Variants in FEM1B observed in about 807,000 individuals in gnomAD.
FEM1B encodes protein fem-1 homolog B.
A neutral mutation model predicts 38.6 loss-of-function variants in FEM1B; 10 were observed. The ratio of observed to expected loss-of-function variants is 0.26; its 90% CI spans 0.16 to 0.44. The LOEUF (loss-of-function observed/expected upper bound fraction) is 0.44. Among genes scored for constraint, FEM1B ranks in the 20% least tolerant of loss-of-function variants. The probability of loss-of-function intolerance (pLI) is 1.00; values close to 1 mark genes in which losing one functional copy is unlikely to be tolerated. For missense variants in FEM1B, 471 were observed against 786.7 expected, an observed-to-expected ratio of 0.60 and a Z score of 4.80; for synonymous variants, 288 against 288.0, an observed-to-expected ratio of 1.00 and a Z score of 0.00.
chr15:68,291,272 G>C lies in FEM1B; in HGVS notation c.*30G>C. On this transcript the variant is annotated 3_prime_UTR_variant, in exon 2 of 2. Transcript: ENST00000306917. This position sits in a 1 kb window ranked among gnomAD's most constrained non-coding sequence, Gnocchi z 6.9. ...CTGGATATGTAAAGTCGTTTAATGT[G>C]GTGCTAAAAAGTAAAGGACTTTTAA... The C allele has an allele frequency of 6.6e-7, 1 of 1,505,600 alleles. No individual in the cohort carries two copies. The highest frequency in any genetic ancestry group is 8.9e-7 in the Non-Finnish European group (1 of 1,118,516). The allele number at this position is 1,505,600 out of a possible 1,614,324, so 93.3% of individuals were successfully genotyped here. A position where few individuals can be genotyped will look rare whatever the true frequency, so the allele number is the denominator to read the frequency against.
In FEM1B at chr15:68,278,020, G is replaced by A. The variant is rs1365842767; in HGVS notation, c.-398G>A. ...AGACGCGCCCATCTTTCGCCATCCG[G>A]GGTGCGCGAGGTCCTCTCGGGACCC... On this transcript the variant is annotated 5_prime_UTR_variant, in exon 1 of 2. Transcript: ENST00000306917. The surrounding 1 kb of genome is among the most constrained non-coding windows in gnomAD (Gnocchi z 5.7). 4.9e-6 allele frequency: 1 copy of A among 204,248 alleles called. No individual in the cohort carries two copies. Among genetic ancestry groups the A allele is most frequent in the African/African-American group, 2.4e-5 (1 of 42,060 alleles). The allele number at this position is 204,248 out of a possible 1,614,324, so 12.7% of individuals were successfully genotyped here.
rs929554758 is a variant in FEM1B, at chr15:68,281,182, G to A, written c.248+2517G>A. ...TAGAAAGCTGACTTGACCCTTGGGG[G>A]CTGACCTTTGAAAAACACATAGCCA... On this transcript the variant is annotated intron_variant, in intron 1 of 1. Coordinates refer to ENST00000306917, the MANE Select transcript of FEM1B (RefSeq NM_015322.5). This position sits in a 1 kb window ranked among gnomAD's most constrained non-coding sequence, Gnocchi z 5.1. 3.3e-5 allele frequency among the ~76,000 whole-genome samples: 5 copies of A among 152,212 alleles called. No individual in the cohort carries two copies. The highest frequency in any genetic ancestry group is 6.5e-5 in the Admixed American group (1 of 15,286).
intron 1 of FEM1B, among the ~76,000 whole-genome samples, chr15:68,287,491 A>G (rs1442902085): frequency 1.3e-5 from 2 of 152,180 alleles, no homozygotes; most frequent in Non-Finnish European, 2.9e-5. Flanking sequence ...ATTTTGTGTC[A>G]TTATTTGAAA....
chr15:68,278,810 C>G lies in FEM1B; in HGVS notation c.248+145C>G. The G allele has an allele frequency of 1.1e-6, 1 of 894,216 alleles. No individual in the cohort carries two copies. Among genetic ancestry groups the G allele is most frequent in the East Asian group, 2.6e-5 (1 of 37,822 alleles). The allele number at this position is 894,216 out of a possible 1,614,324, so 55.4% of individuals were successfully genotyped here. A position where few individuals can be genotyped will look rare whatever the true frequency, so the allele number is the denominator to read the frequency against. ...GTACCACCTCCTGCCCCACTAATGC[C>G]CACTTCATCTTCCAGGGCTAATAAT... On this transcript the variant is annotated intron_variant, in intron 1 of 1. Coordinates refer to ENST00000306917, the MANE Select transcript of FEM1B (RefSeq NM_015322.5). This position sits in a 1 kb window ranked among gnomAD's most constrained non-coding sequence, Gnocchi z 5.7.
rs113968932 is a variant in FEM1B, at chr15:68,284,620, C to G, written c.249-4987C>G. Among the ~76,000 whole-genome samples, 6 of 152,116 alleles carry G rather than the reference C, an allele frequency of 3.9e-5. No homozygotes were observed. The highest frequency in any genetic ancestry group is 1.2e-4 in the African/African-American group (5 of 41,414). On this transcript the variant is annotated intron_variant, in intron 1 of 1. Coordinates refer to ENST00000306917, the MANE Select transcript of FEM1B (RefSeq NM_015322.5). This position sits in a 1 kb window ranked among gnomAD's most constrained non-coding sequence, Gnocchi z 4.4. The stretch of plus-strand genomic sequence containing the variant: ...ACATCCATCTAGTCACTCTCTAGAT[C>G]AATGTGTAGAACACTTTATCACTCT...
In FEM1B at chr15:68,278,665, G is replaced by A; in HGVS notation, c.248G>A (p.Gly83Glu). 1 of 1,613,772 alleles carries A rather than the reference G, an allele frequency of 6.2e-7. No individual in the cohort carries two copies. The part of the protein sequence containing the change: ...TQQTGTVRFD[G>E]YVIDGATALW... ...CAGACTGGCACCGTCCGCTTCGACG[G>A]GTAGGTACATCCCAAGCCAGCCTCT... Residue 83 changes from glycine (G) to glutamate (E), a missense_variant and splice_region_variant, in exon 1 of 2, where the codon GGG (glycine) becomes GAG (glutamate). By Grantham distance (98) the Gly-to-Glu change is moderately conservative. This residue lies in a region of FEM1B where 91 missense variants were observed against 169.6 expected (regional missense o/e 0.54). Transcript: ENST00000306917. This position sits in a 1 kb window ranked among gnomAD's most constrained non-coding sequence, Gnocchi z 5.7.
At position 68,277,790 on chromosome 15, in the gene FEM1B, C is replaced by T. The variant is rs1892671956; in HGVS notation, c.-628C>T. On this transcript the variant is annotated 5_prime_UTR_variant, in exon 1 of 2. Coordinates refer to ENST00000306917, the MANE Select transcript of FEM1B (RefSeq NM_015322.5). ...GCGAAAGCTCGTCTTCCTCCCCGCC[C>T]AAGTTCCGGCGCCGCTCTTGCGGGA... The T allele has an allele frequency of 6.6e-6, 1 of 152,356 alleles. No homozygotes were observed. Among genetic ancestry groups the T allele is most frequent in the South Asian group, 2.1e-4 (1 of 4,852 alleles). 9.4% of individuals were successfully genotyped at this position (152,356 alleles called of 1,614,324 possible).
rs1005582803 is a variant in FEM1B, at chr15:68,285,793, G to A, written c.249-3814G>A. 6.6e-5 allele frequency among the ~76,000 whole-genome samples: 10 copies of A among 150,734 alleles called. No homozygotes were observed. In the East Asian group the frequency reaches 9.7e-4, roughly 15 times the overall value. On this transcript the variant is annotated intron_variant, in intron 1 of 1. Coordinates refer to ENST00000306917, the MANE Select transcript of FEM1B (RefSeq NM_015322.5). ...AAACAGTCCTCTTCTTAGCCCCCCC[G>A]CAGTGCTGGGATTACAGGTGTGAGC...
At chr15:68,286,626 T>TTTAGA (rs549049151) in intron 1 of FEM1B, among the ~76,000 whole-genome samples, 239 of 152,320 alleles carry the variant, frequency 1.6e-3, no homozygotes, top group African/African-American at 5.4e-3. Context: ...TTCCCATTTA[T>TTTAGA]TTAGATTTAC....
Position 68,291,845 on chromosome 15 carries a change from A to G in FEM1B, c.*603A>G, listed in dbSNP as rs1892850883. 1 of 152,264 alleles carries G rather than the reference A, an allele frequency of 6.6e-6. No homozygotes were observed. 9.4% of individuals were successfully genotyped at this position (152,264 alleles called of 1,614,324 possible). A position where few individuals can be genotyped will look rare whatever the true frequency, so the allele number is the denominator to read the frequency against. ...CTAATTTAATAATAGTTACAAATTT[A>G]TAAATTTAAATCCATTTGAAATTGT... On this transcript the variant is annotated 3_prime_UTR_variant, in exon 2 of 2. Coordinates refer to ENST00000306917, the MANE Select transcript of FEM1B (RefSeq NM_015322.5). This position sits in a 1 kb window ranked among gnomAD's most constrained non-coding sequence, Gnocchi z 6.9.
chr15:68,287,826 G>A (rs1398063064), intron 1 of FEM1B, among the ~76,000 whole-genome samples: 4 of 145,688 alleles, frequency 2.7e-5, no homozygotes, highest in African/African-American at 7.5e-5. Flanking sequence ...CGTTGCTAAC[G>A]TCTCTTTTTT....
Position 68,284,542 on chromosome 15 carries a change from T to G in FEM1B, c.249-5065T>G, listed in dbSNP as rs59705963. Among the ~76,000 whole-genome samples the G allele has an allele frequency of 0.014, 2,147 of 152,324 alleles. 44 individuals are homozygous for G. Among genetic ancestry groups the G allele is most frequent in the African/African-American group, 0.049 (2,054 of 41,570 alleles). ...TTTAGTGGAGGTATATCATATCTAGTAAAGTACATGAATCTTGTGTACAAT... is the reference window on the plus strand; with the variant it reads ...TTTAGTGGAGGTATATCATATCTAGGAAAGTACATGAATCTTGTGTACAAT... On this transcript the variant is annotated intron_variant, in intron 1 of 1. Coordinates refer to ENST00000306917, the MANE Select transcript of FEM1B (RefSeq NM_015322.5). The surrounding 1 kb of genome is among the most constrained non-coding windows in gnomAD (Gnocchi z 4.4).
rs552456623 is a variant in FEM1B at position 68,278,172 on chromosome 15, C to T, written c.-246C>T. 6.5e-6 allele frequency: 3 copies of T among 459,220 alleles called. No homozygotes were observed. Among genetic ancestry groups the T allele is most frequent in the Non-Finnish European group, 1.1e-5 (3 of 261,214 alleles). The allele number at this position is 459,220 out of a possible 1,614,324, so 28.4% of individuals were successfully genotyped here. On this transcript the variant is annotated 5_prime_UTR_variant, in exon 1 of 2. Coordinates refer to ENST00000306917, the MANE Select transcript of FEM1B (RefSeq NM_015322.5). The surrounding 1 kb of genome is among the most constrained non-coding windows in gnomAD (Gnocchi z 5.7). ...TCCAGGGCCGGCGCCTGGGACCTGGCGGGCGGCCCTGACCGCCTTCCTCCC... is the reference window on the plus strand; with the variant it reads ...TCCAGGGCCGGCGCCTGGGACCTGGTGGGCGGCCCTGACCGCCTTCCTCCC...
Position 68,278,477 on chromosome 15 carries a change from G to T in FEM1B, c.60G>T (p.Leu20=), listed in dbSNP as rs1567112016. Reference sequence around the variant, plus strand: ...CCAGCGAGGGCAAGGTGCTGACTCTGGCCGCCTTGCTTCTCAACCGGTCTG... The same window carrying T: ...CCAGCGAGGGCAAGGTGCTGACTCTTGCCGCCTTGCTTCTCAACCGGTCTG... ...KAASEGKVLT[L]AALLLNRSES... is the part of the protein sequence containing the mutation. The change falls in exon 1 of 2, where the codon CTG becomes CTT. Residue 20 remains leucine (L), a synonymous_variant. Transcript: ENST00000306917. The surrounding 1 kb of genome is among the most constrained non-coding windows in gnomAD (Gnocchi z 5.7). 4 of 1,613,816 alleles carry T rather than the reference G, an allele frequency of 2.5e-6. No homozygotes were observed. The highest frequency in any genetic ancestry group is 2.5e-6 in the Non-Finnish European group (3 of 1,180,028).
In FEM1B at chr15:68,294,273, G is replaced by A. The variant is rs1181453514; in HGVS notation, c.*3031G>A. The A allele has an allele frequency of 1.3e-5, 2 of 152,100 alleles. No individual in the cohort carries two copies. Among genetic ancestry groups the A allele is most frequent in the African/African-American group, 4.8e-5 (2 of 41,384 alleles). 9.4% of individuals were successfully genotyped at this position (152,100 alleles called of 1,614,324 possible). ...CAGCCCAATCACGTTAAGGTTCTTT[G>A]CTGTGGGAATTTTAAATAAACCAAA... On this transcript the variant is annotated 3_prime_UTR_variant, in exon 2 of 2. Coordinates refer to ENST00000306917, the MANE Select transcript of FEM1B (RefSeq NM_015322.5). This position sits in a 1 kb window ranked among gnomAD's most constrained non-coding sequence, Gnocchi z 4.4.
In FEM1B at chr15:68,280,506, G is replaced by A. The variant is rs1892714109; in HGVS notation, c.248+1841G>A. Among the ~76,000 whole-genome samples the A allele has an allele frequency of 6.6e-6, 1 of 152,186 alleles. No individual in the cohort carries two copies. The highest frequency in any genetic ancestry group is 2.1e-4 in the South Asian group (1 of 4,826). On this transcript the variant is annotated intron_variant, in intron 1 of 1. Transcript: ENST00000306917. This position sits in a 1 kb window ranked among gnomAD's most constrained non-coding sequence, Gnocchi z 4.2. ...GACTACTGAGAGAAAACAGGGAAAGGAAGTGCTGTTTTATCCGGGGGGAAT... is the reference window on the plus strand; with the variant it reads ...GACTACTGAGAGAAAACAGGGAAAGAAAGTGCTGTTTTATCCGGGGGGAAT...
At position 68,288,820 on chromosome 15, in the gene FEM1B, C is replaced by T. The variant is rs192563532; in HGVS notation, c.249-787C>T. ...TTAAAACTTTTAAATTGGAGCATAA[C>T]GTAACTTAGAGAAAAATGCACTAAT... On this transcript the variant is annotated intron_variant, in intron 1 of 1. Coordinates refer to ENST00000306917, the MANE Select transcript of FEM1B (RefSeq NM_015322.5). The surrounding 1 kb of genome is among the most constrained non-coding windows in gnomAD (Gnocchi z 4.6). Among the ~76,000 whole-genome samples, 210 of 152,174 alleles carry T rather than the reference C, an allele frequency of 1.4e-3. No individual in the cohort carries two copies. Among genetic ancestry groups the T allele is most frequent in the African/African-American group, 4.8e-3 (199 of 41,502 alleles).
chr15:68,286,811 CAA>C (rs747489511), intron 1 of FEM1B, among the ~76,000 whole-genome samples: 3 of 149,160 alleles, frequency 2.0e-5, no homozygotes, highest in Admixed American at 6.6e-5. Context: ...AAAAAAATAA[CAA>C]AAGTGAATTT....
rs546082746 is a variant in FEM1B at position 68,294,410 on chromosome 15, A to C, written c.*3168A>C. 1 of 152,302 alleles carries C rather than the reference A, an allele frequency of 6.6e-6. No homozygotes were observed. Among genetic ancestry groups the C allele is most frequent in the African/African-American group, 2.4e-5 (1 of 41,574 alleles). The allele number at this position is 152,302 out of a possible 1,614,324, so 9.4% of individuals were successfully genotyped here. The stretch of plus-strand genomic sequence containing the variant: ...GTAATTGTGAGAACTTAGGTATGAT[A>C]ACATTGTTTGAAGTAAAATATGATT... On this transcript the variant is annotated 3_prime_UTR_variant, in exon 2 of 2. Transcript: ENST00000306917. The surrounding 1 kb of genome is among the most constrained non-coding windows in gnomAD (Gnocchi z 4.4).
Sources: allele counts gnomAD v4.1 joint callset (sites outside exome capture counted in the v4.1 genomes callset), GRCh38; gene constraint gnomAD v4.1.1; regional missense constraint gnomAD v4.1.1; non-coding constraint Gnocchi (gnomAD v3.1); transcripts MANE v1.5; gene names NCBI Gene and HGNC (gene_info 2026-07-23, HGNC 2026-07-21).